METTL15: variants seen among roughly 807,000 people sequenced by gnomAD.
METTL15 encodes 12S rRNA N(4)-cytidine methyltransferase METTL15.
A neutral mutation model predicts 38.3 loss-of-function variants in METTL15; 34 were observed. That is an observed-to-expected ratio of 0.89 (90% confidence interval 0.68 to 1.18). The LOEUF is 1.18. Ranked by LOEUF, METTL15 falls within the 50% of genes most tolerant of loss-of-function variation. The pLI, the probability that METTL15 is intolerant of heterozygous loss-of-function variation, is 0.00. For synonymous variants in METTL15, 162 were observed against 170.9 expected, an observed-to-expected ratio of 0.95 and a Z score of 0.41; for missense variants, 438 against 498.4, an observed-to-expected ratio of 0.88 and a Z score of 1.15.
At chr11:28,472,733 G>C (rs957221487) in intron 6 of METTL15, among the ~76,000 whole-genome samples, 2 of 152,116 alleles carry the variant, frequency 1.3e-5, no homozygotes, top group African/African-American at 4.8e-5. Context: ...GGGTATTGCA[G>C]ATATTAAATA....
chr11:28,144,046 C>G (rs1849794925), intron 3 of METTL15, among the ~76,000 whole-genome samples: 1 of 152,150 alleles, frequency 6.6e-6, no homozygotes, highest in Non-Finnish European at 1.5e-5. Flanking sequence ...TATTTAATTG[C>G]ATGTGGTCCC....
chr11:28,467,928 G>C (rs770047022), intron 6 of METTL15, among the ~76,000 whole-genome samples: 5 of 152,062 alleles, frequency 3.3e-5, no homozygotes, highest in Non-Finnish European at 5.9e-5. Flanking sequence ...TTTATTTGTC[G>C]CACTTCCCCA....
At chr11:28,256,662 A>G (rs998690428) in intron 4 of METTL15, among the ~76,000 whole-genome samples, 8 of 151,298 alleles carry the variant, frequency 5.3e-5, no homozygotes, top group Non-Finnish European at 1.0e-4. Context: ...TTTTTATTTC[A>G]TTGTTCTTTT....
intron 5 of METTL15, among the ~76,000 whole-genome samples, chr11:28,367,393 ATC>A (rs1850197240): frequency 6.6e-6 from 1 of 152,158 alleles, no homozygotes; most frequent in Admixed American, 6.5e-5. Flanking sequence ...GGACCCTAGA[ATC>A]TCTAGCCAGG....
rs116782148 is a variant in METTL15, at chr11:28,512,624, G to T, written c.*425-13854G>T. ...GCTGGCAGGGCTGGCCGGCCACTCTGAGTGCAGGGCCTGCCAAGCCCATGC... is the reference window on the plus strand; with the variant it reads ...GCTGGCAGGGCTGGCCGGCCACTCTTAGTGCAGGGCCTGCCAAGCCCATGC... On this transcript the variant is annotated intron_variant and NMD_transcript_variant, in intron 6 of 7. Transcript: ENST00000532947. Among the ~76,000 whole-genome samples, 1,210 of 152,322 alleles carry T rather than the reference G, an allele frequency of 7.9e-3. 23 individuals are homozygous for T. The highest frequency in any genetic ancestry group is 0.027 in the African/African-American group (1,138 of 41,580).
At chr11:28,324,911 GCT>G (rs751212013) in intron 6 of METTL15, among the ~76,000 whole-genome samples, 1 of 152,174 alleles carries the variant, frequency 6.6e-6, no homozygotes, top group Non-Finnish European at 1.5e-5. Context: ...TCTTATACTA[GCT>G]CTCTACACTG....
intron 4 of METTL15, among the ~76,000 whole-genome samples, chr11:28,220,823 C>T (rs909320916): frequency 1.3e-5 from 2 of 152,122 alleles, no homozygotes; most frequent in Non-Finnish European, 2.9e-5. Context: ...ACTCACGAAG[C>T]TTAGTTTGGC....
intron 3 of METTL15, among the ~76,000 whole-genome samples, chr11:28,200,059 T>C (rs1361825241): frequency 6.6e-6 from 1 of 152,152 alleles, no homozygotes; most frequent in Non-Finnish European, 1.5e-5. Context: ...AGTAATTGCA[T>C]AGTAAATTGT....
At chr11:28,267,954 T>C (rs1855491851) in intron 4 of METTL15, among the ~76,000 whole-genome samples, 1 of 152,012 alleles carries the variant, frequency 6.6e-6, no homozygotes, top group African/African-American at 2.4e-5. Context: ...TCCCAGCACT[T>C]TGGGAGGCCG....
intron 6 of METTL15, among the ~76,000 whole-genome samples, chr11:28,329,127 T>C (rs1849734632): frequency 6.6e-6 from 1 of 152,120 alleles, no homozygotes; most frequent in African/African-American, 2.4e-5. Context: ...ATTTTGAGTT[T>C]GTTTTTGTAT....
At position 28,504,720 on chromosome 11, in the gene METTL15, G is replaced by T. The variant is rs576947964; in HGVS notation, c.*425-21758G>T. ...CCAGCGTGGCAAAAGCTAAATTACT[G>T]AATTCAAATAATTGTCATCGTGATG... On this transcript the variant is annotated intron_variant and NMD_transcript_variant, in intron 6 of 7. Transcript: ENST00000532947. Among the ~76,000 whole-genome samples, 63 of 152,310 alleles carry T rather than the reference G, an allele frequency of 4.1e-4. No homozygotes were observed. In the South Asian group the frequency reaches 0.012, roughly 30 times the overall value.
intron 6 of METTL15, among the ~76,000 whole-genome samples, chr11:28,466,433 G>A (rs138174125): frequency 1.3e-5 from 2 of 152,256 alleles, no homozygotes; most frequent in African/African-American, 4.8e-5. Context: ...TTGAATATTG[G>A]GGCCCAGCCC....
chr11:28,218,520 T>G (rs1265664004), intron 4 of METTL15, among the ~76,000 whole-genome samples: 2 of 152,172 alleles, frequency 1.3e-5, no homozygotes, highest in Non-Finnish European at 2.9e-5. Flanking sequence ...ACAATTTGAC[T>G]TCCTGTTTTC....
At chr11:28,294,613 C>G (rs1404906392) in intron 5 of METTL15, among the ~76,000 whole-genome samples, 1 of 152,064 alleles carries the variant, frequency 6.6e-6, no homozygotes, top group Non-Finnish European at 1.5e-5. Context: ...TTAATTGTGT[C>G]TGTATTTTCT....
intron 3 of METTL15, among the ~76,000 whole-genome samples, chr11:28,131,073 ATT>A (rs879345256): frequency 6.9e-6 from 1 of 144,358 alleles, no homozygotes; most frequent in Admixed American, 6.9e-5. Flanking sequence ...GCATCCTCCC[ATT>A]TTTTTTTTTT....
intron 5 of METTL15, among the ~76,000 whole-genome samples, chr11:28,420,094 A>C (rs2133420298): frequency 6.6e-6 from 1 of 152,288 alleles, no homozygotes; most frequent in African/African-American, 2.4e-5. Flanking sequence ...AAAGAGACAA[A>C]GTTAGAAAGT....
Position 28,452,125 on chromosome 11 carries a change from G to A in METTL15, c.*424+27761G>A, listed in dbSNP as rs1268274134. Among the ~76,000 whole-genome samples, 4 of 152,222 alleles carry A rather than the reference G, an allele frequency of 2.6e-5. No individual in the cohort carries two copies. The South Asian group carries it at 8.3e-4, about 32-fold the overall frequency. The stretch of plus-strand genomic sequence containing the variant: ...TTTGAATATAGAAAACTTTAAGCAA[G>A]TAGTGTCCAAAGTCAAGAGGAGAGA... On this transcript the variant is annotated intron_variant and NMD_transcript_variant, in intron 6 of 7. Coordinates refer to the METTL15 transcript ENST00000532947.
At chr11:28,349,337 C>T (rs923684670) in intron 3 of METTL15, among the ~76,000 whole-genome samples, 1 of 152,212 alleles carries the variant, frequency 6.6e-6, no homozygotes, top group Admixed American at 6.5e-5. Flanking sequence ...AGATTAGCCT[C>T]CTCTGCACAG....
At chr11:28,143,422 A>C (rs1231992417) in intron 3 of METTL15, among the ~76,000 whole-genome samples, 1 of 152,144 alleles carries the variant, frequency 6.6e-6, no homozygotes, top group African/African-American at 2.4e-5. Flanking sequence ...TCCCTTTCTC[A>C]TCTTTTGTTT....
Sources: allele counts gnomAD v4.1 joint callset (sites outside exome capture counted in the v4.1 genomes callset), GRCh38; gene constraint gnomAD v4.1.1; transcripts MANE v1.5; gene names NCBI Gene and HGNC (gene_info 2026-07-23, HGNC 2026-07-21).